The following MOV10L1 variants were observed in gnomAD, a reference collection of about 807,000 sequenced individuals.
MOV10L1 encodes Mov10 like RNA helicase 1.
Under a neutral mutation model 143.8 loss-of-function variants are expected in MOV10L1, and 110 were observed. The observed-to-expected ratio is 0.76, with a 90% CI of 0.66 to 0.90. The LOEUF (loss-of-function observed/expected upper bound fraction) is 0.90, where lower values mean the gene tolerates loss of function less well. Ranked by LOEUF, MOV10L1 falls within the 40% of genes least tolerant of loss-of-function variation. The pLI is 0.00. For missense variants in MOV10L1, 1,406 were observed against 1,526.8 expected, an observed-to-expected ratio of 0.92 and a Z score of 1.32; for synonymous variants, 593 against 581.1, an observed-to-expected ratio of 1.02 and a Z score of -0.29.
At position 50,117,365 on chromosome 22, in the gene MOV10L1, A is replaced by G; in HGVS notation, c.1454+14A>G. ...CGCACAGAAAAGGTACCATAACTGA[A>G]ATGAGTGTGGCTCTTGGTCTGGCAG... On this transcript the variant is annotated intron_variant, in intron 9 of 26. Transcript: ENST00000262794. 6.2e-7 allele frequency: 1 copy of G among 1,610,840 alleles called. No individual in the cohort carries two copies. The highest frequency in any genetic ancestry group is 8.5e-7 in the Non-Finnish European group (1 of 1,178,170).
At chr22:50,149,753 C>G (rs772364675) in intron 20 of MOV10L1, 39 bp downstream of exon 20, 41 of 1,561,144 alleles carry the variant, frequency 2.6e-5, no homozygotes, top group Admixed American at 3.5e-5. Context: ...TCCTCCTCAC[C>G]CCGTTCTCCT....
At chr22:50,138,885 G>T (rs2062905373) in intron 15 of MOV10L1, among the ~76,000 whole-genome samples, 1 of 152,080 alleles carries the variant, frequency 6.6e-6, no homozygotes, top group Non-Finnish European at 1.5e-5. Flanking sequence ...TGTATTTTTA[G>T]TAGAGACAAG....
At chr22:50,097,058 A>T (rs749657699) in intron 2 of MOV10L1, among the ~76,000 whole-genome samples, 1 of 152,124 alleles carries the variant, frequency 6.6e-6, no homozygotes, top group Non-Finnish European at 1.5e-5. Flanking sequence ...GATTATGAAG[A>T]TTTTTTTCTA....
At chr22:50,160,315 C>T (rs1357682450) in intron 24 of MOV10L1, among the ~76,000 whole-genome samples, 7 of 149,538 alleles carry the variant, frequency 4.7e-5, no homozygotes, top group South Asian at 2.1e-4. Context: ...GGCGCGATCT[C>T]GGCTCACTGC....
intron 10 of MOV10L1, among the ~76,000 whole-genome samples, chr22:50,122,486 A>G (rs541743900): frequency 2.6e-5 from 4 of 152,210 alleles, no homozygotes; most frequent in Non-Finnish European, 4.4e-5. Flanking sequence ...TATGCATGCC[A>G]TCTGCAAACA....
Position 50,160,840 on chromosome 22 carries a change from A to G in MOV10L1, c.3462+15A>G, listed in dbSNP as rs1423772372. 4 of 1,613,780 alleles carry G rather than the reference A, an allele frequency of 2.5e-6. No individual in the cohort carries two copies. Among genetic ancestry groups the G allele is most frequent in the Non-Finnish European group, 3.4e-6 (4 of 1,179,884 alleles). On this transcript the variant is annotated intron_variant, in intron 25 of 26. Coordinates refer to ENST00000262794, the MANE Select transcript of MOV10L1 (RefSeq NM_018995.3). ...TTCTCGTTCGAGTGAGTTTTCAGGC[A>G]CTGGGTGGGCTGTGATCACTTAAGG...
chr22:50,148,584 G>T (rs1380144869), intron 19 of MOV10L1, among the ~76,000 whole-genome samples: 1 of 152,146 alleles, frequency 6.6e-6, no homozygotes, highest in African/African-American at 2.4e-5. Flanking sequence ...GGGCTGCTCT[G>T]TAGCTGGGAA....
Position 50,160,815 on chromosome 22 carries a change from T to TTC in MOV10L1, c.3455_3456dup (p.Val1153SerfsTer134). Reference sequence around the variant, plus strand: ...CTGATAGTGCTGGGAAACCCCCATGTTCTCGTTCGAGTGAGTTTTCAGGCA... The same window carrying TTC: ...CTGATAGTGCTGGGAAACCCCCATGTTCTCTCGTTCGAGTGAGTTTTCAGGCA... On this transcript the variant is annotated frameshift_variant, in exon 25 of 27. Coordinates refer to ENST00000262794, the MANE Select transcript of MOV10L1 (RefSeq NM_018995.3). LOFTEE classifies it high-confidence loss of function. 6.2e-7 allele frequency: 1 copy of TTC among 1,614,080 alleles called. No homozygotes were observed. Among genetic ancestry groups the TTC allele is most frequent in the Non-Finnish European group, 8.5e-7 (1 of 1,179,978 alleles).
rs750390831 is a variant in MOV10L1, at chr22:50,161,046, C to G, written c.3545C>G (p.Ser1182Cys). 7 of 1,613,856 alleles carry G rather than the reference C, an allele frequency of 4.3e-6. No individual in the cohort carries two copies. The highest frequency in any genetic ancestry group is 1.1e-5 in the South Asian group (1 of 91,074). ...MGCDLPPALQSLQNCGEGVAD... is the reference protein window; with the variant it reads ...MGCDLPPALQCLQNCGEGVAD... ...TGCGATTTACCTCCTGCACTGCAGT[C>G]TCTGCAAAAGTGAGCGCTTCTGCTG... is the stretch of plus-strand genomic sequence containing the variant. Residue 1182 changes from serine to cysteine, a missense_variant, in exon 26 of 27, where the codon TCT (serine) becomes TGT (cysteine). Around this residue, in one of 3 missense-constraint regions of MOV10L1, gnomAD observed 1,233 missense variants for 1,351.4 expected, o/e 0.91. Transcript: ENST00000262794.
intron 2 of MOV10L1, among the ~76,000 whole-genome samples, chr22:50,097,632 G>A (rs73185329): frequency 0.26 from 39,636 of 151,990 alleles, 5,682 homozygotes; most frequent in Non-Finnish European, 0.33. Context: ...TTACACTGGT[G>A]CCACACTAGT....
At chr22:50,148,253 C>G (rs1268705443) in intron 19 of MOV10L1, among the ~76,000 whole-genome samples, 1 of 152,226 alleles carries the variant, frequency 6.6e-6, no homozygotes, top group African/African-American at 2.4e-5. Context: ...AGAGCATTTC[C>G]CCACTGAGGC....
At chr22:50,113,160 A>G (rs1468372991) in intron 5 of MOV10L1, among the ~76,000 whole-genome samples, 1 of 152,186 alleles carries the variant, frequency 6.6e-6, no homozygotes, top group African/African-American at 2.4e-5. Flanking sequence ...ATTTTTAGGG[A>G]AAGGTAAAAT....
intron 22 of MOV10L1, 81 bp from the exon 23 acceptor site, chr22:50,157,976 G>A: frequency 6.6e-7 from 1 of 1,509,576 alleles, no homozygotes; most frequent in Non-Finnish European, 9.0e-7. Context: ...TGTATTCCCA[G>A]CACCGACTTC....
rs1377649436 is a variant in MOV10L1 at position 50,099,436 on chromosome 22, T to G, written c.283-7T>G. On this transcript the variant is annotated splice_polypyrimidine_tract_variant and splice_region_variant and intron_variant, in intron 2 of 26. Transcript: ENST00000262794. The stretch of plus-strand genomic sequence containing the variant: ...TTATGGTTTAGAGCGGTGTGTTTGT[T>G]TTACAGGTAGAAGCTGTCTCTGATA... 1 of 1,613,122 alleles carries G rather than the reference T, an allele frequency of 6.2e-7. No homozygotes were observed.
chr22:50,150,791 C>T lies in MOV10L1; in HGVS notation c.2784C>T (p.Ala928=). 1.2e-6 allele frequency: 2 copies of T among 1,614,218 alleles called. No homozygotes were observed. Among genetic ancestry groups the T allele is most frequent in the Non-Finnish European group, 1.7e-6 (2 of 1,180,030 alleles). ...GCCCAGTCATTAAGTCCAGACTCGC[C>T]ATGGCCTATGGGCTGAACGTGTCCT... ...QLGPVIKSRL[A]MAYGLNVSFL... Residue 928 remains alanine, a synonymous_variant, in exon 21 of 27, where the codon GCC becomes GCT. Transcript: ENST00000262794.
rs138868385 is a variant in MOV10L1, at chr22:50,108,843, C to T, written c.742C>T (p.Arg248Ter). 5.6e-6 allele frequency: 9 copies of T among 1,613,648 alleles called. No individual in the cohort carries two copies. The highest frequency in any genetic ancestry group is 2.2e-5 in the East Asian group (1 of 44,864). The change falls in exon 5 of 27, where the codon CGA becomes TGA. Residue 248 changes from arginine (R) to a stop codon, truncating the protein, a stop_gained and splice_region_variant. Transcript: ENST00000262794. LOFTEE classifies it high-confidence loss of function. ...RALCMTLVKR[R>*]DAAPVHEATH... ...ACTTTGTATGACCCTAGTGAAGAGG[C>T]GGTAAGAAAATGCTTTTCTGGCCAG...
intron 10 of MOV10L1, among the ~76,000 whole-genome samples, chr22:50,123,500 G>T (rs537141543): frequency 3.9e-5 from 6 of 151,976 alleles, no homozygotes; most frequent in Non-Finnish European, 8.8e-5. Context: ...AAGTAACTGG[G>T]ACTACAGGAA....
intron 8 of MOV10L1, 84 bp from the exon 9 acceptor site, chr22:50,117,073 T>A (rs2062199751): frequency 1.2e-5 from 15 of 1,298,030 alleles, no homozygotes; most frequent in Non-Finnish European, 1.5e-5. Flanking sequence ...ACTCTGTCAC[T>A]TTTCTTGTAT....
intron 4 of MOV10L1, 175 bp downstream of exon 4, chr22:50,108,423 A>G (rs1183506249): frequency 2.8e-5 from 22 of 775,732 alleles, no homozygotes; most frequent in South Asian, 5.9e-5. Flanking sequence ...TTTGGAAACA[A>G]TAACTCCTAG....
Sources: allele counts gnomAD v4.1 joint callset (sites outside exome capture counted in the v4.1 genomes callset), GRCh38; gene constraint gnomAD v4.1.1; regional missense constraint gnomAD v4.1.1; transcripts MANE v1.5; gene names NCBI Gene and HGNC (gene_info 2026-07-23, HGNC 2026-07-21).